Variants in ELAPOR1 observed in about 807,000 individuals in gnomAD.
ELAPOR1 encodes the protein endosome/lysosome-associated apoptosis and autophagy regulator 1.
Under a neutral mutation model 119.7 loss-of-function variants are expected in ELAPOR1, and 77 were observed. That is an observed-to-expected ratio of 0.64 (90% CI 0.54 to 0.78). The LOEUF (loss-of-function observed/expected upper bound fraction) is 0.78. Ranked by LOEUF, ELAPOR1 falls within the 30% of genes least tolerant of loss-of-function variation. The pLI is 0.00. For missense variants in ELAPOR1, 1,115 were observed against 1,270.4 expected (o/e 0.88, Z 1.86); for synonymous variants, 481 against 487.2 (o/e 0.99, Z 0.17).
intron 1 of ELAPOR1, among the ~76,000 whole-genome samples, chr1:109,136,691 T>C (rs591209): frequency 0.58 from 88,330 of 152,062 alleles, 27,616 homozygotes; most frequent in East Asian, 0.92. Flanking sequence ...GTAGGTATAA[T>C]TACTGCTAAA....
intron 18 of ELAPOR1, 136 bp downstream of exon 18, chr1:109,198,810 C>A: frequency 1.4e-6 from 1 of 697,250 alleles, no homozygotes. Flanking sequence ...GGGGCACAGT[C>A]ATGGCCCCAG....
At chr1:109,148,328 G>A (rs962713965) in intron 1 of ELAPOR1, among the ~76,000 whole-genome samples, 4 of 151,410 alleles carry the variant, frequency 2.6e-5, no homozygotes, top group African/African-American at 7.3e-5. Context: ...CAGTAGAGAC[G>A]GGGTTTCACC....
intron 18 of ELAPOR1, among the ~76,000 whole-genome samples, chr1:109,198,895 G>A (rs1178289358): frequency 6.6e-6 from 1 of 152,234 alleles, no homozygotes; most frequent in Non-Finnish European, 1.5e-5. Flanking sequence ...GGTCCATTAA[G>A]GCAGCAGCTG....
intron 1 of ELAPOR1, among the ~76,000 whole-genome samples, chr1:109,127,562 T>TTTTA (rs1474164762): frequency 3.3e-5 from 5 of 151,748 alleles, no homozygotes; most frequent in East Asian, 1.9e-4. Flanking sequence ...TACCTTTTTA[T>TTTTA]TTTATTTATT....
At chr1:109,174,832 C>T (rs1240568834) in intron 7 of ELAPOR1, among the ~76,000 whole-genome samples, 2 of 152,052 alleles carry the variant, frequency 1.3e-5, no homozygotes, top group African/African-American at 4.8e-5. Context: ...TCTTCTGCCT[C>T]AGGCTCCTGA....
At chr1:109,187,530 G>A in intron 8 of ELAPOR1, 1 of 1,001,178 alleles carries the variant, frequency 1.0e-6, no homozygotes, top group African/African-American at 1.7e-5. Context: ...GCACGTTTTT[G>A]TCTGTGACTC....
At chr1:109,152,952 CAAAAAAAAAAAAAAAAAGA>C (rs1459289421) in intron 1 of ELAPOR1, among the ~76,000 whole-genome samples, 2 of 102,412 alleles carry the variant, frequency 2.0e-5, no homozygotes, top group African/African-American at 8.4e-5. Context: ...ACCCTGTCTC[CAAAAAAAAAAAAAAAAAGA>C]AAGAAAAAAA....
At chr1:109,149,717 G>A (rs895043044) in intron 1 of ELAPOR1, among the ~76,000 whole-genome samples, 1 of 152,150 alleles carries the variant, frequency 6.6e-6, no homozygotes, top group African/African-American at 2.4e-5. Context: ...GAATGGGGAC[G>A]GGGCAGAAAT....
intron 1 of ELAPOR1, among the ~76,000 whole-genome samples, chr1:109,127,900 A>G (rs1648895243): frequency 6.7e-6 from 1 of 148,712 alleles, no homozygotes. Context: ...TTTGAGACAG[A>G]GTCTCGCTCT....
intron 8 of ELAPOR1, chr1:109,187,726 A>G (rs1410866080): frequency 1.1e-6 from 1 of 874,826 alleles, no homozygotes; most frequent in African/African-American, 1.8e-5. Flanking sequence ...CAAAGAATGT[A>G]CCACTCAAAA....
chr1:109,176,609 T>C (rs1271330488), intron 7 of ELAPOR1, among the ~76,000 whole-genome samples: 1 of 148,554 alleles, frequency 6.7e-6, no homozygotes, highest in Non-Finnish European at 1.5e-5. Context: ...TTTTTTTCTT[T>C]TTTTTTTTTT....
rs920615093 is a variant in ELAPOR1, at chr1:109,192,627, A to G, written c.1700A>G (p.Asn567Ser). Reference protein sequence around the residue: ...TFHEASRKYTNDVAKIYSINV... With the variant: ...TFHEASRKYTSDVAKIYSINV... ...TGTCTCCAGAGCAGGAAGTACACCA[A>G]TGACGTTGCCAAGATCTACTCCATC... Residue 567 changes from asparagine to serine, a missense_variant, in exon 14 of 22, where the codon AAT (asparagine) becomes AGT (serine). Physicochemically the swap from Asn to Ser is conservative, Grantham distance 46. Coordinates refer to ENST00000369939, the MANE Select transcript of ELAPOR1 (RefSeq NM_020775.5). The G allele has an allele frequency of 5.0e-6, 8 of 1,613,804 alleles. No homozygotes were observed. In the African/African-American group the frequency reaches 5.3e-5, roughly 11 times the overall value.
chr1:109,175,320 G>A (rs12072970), intron 7 of ELAPOR1, among the ~76,000 whole-genome samples: 70,830 of 150,430 alleles, frequency 0.47, 17,788 homozygotes, highest in African/African-American at 0.67. Context: ...TTCCTGCCTC[G>A]GCCTCCCAAG....
chr1:109,173,735 G>A lies in ELAPOR1; in HGVS notation c.850G>A (p.Ala284Thr). The change falls in exon 7 of 22, where the codon GCA (alanine) becomes ACA (threonine). Residue 284 changes from alanine (A) to threonine (T), a missense_variant. Coordinates refer to ENST00000369939, the MANE Select transcript of ELAPOR1 (RefSeq NM_020775.5). ...CTTCCCCTGCAAACCTGGCACGTAT[G>A]CAGACAAGCAGGGCTCCTCTTTCTG... ...ECFPCKPGTY[A>T]DKQGSSFCKL... 1 of 1,614,146 alleles carries A rather than the reference G, an allele frequency of 6.2e-7. No homozygotes were observed. Among genetic ancestry groups the A allele is most frequent in the South Asian group, 1.1e-5 (1 of 91,086 alleles).
intron 7 of ELAPOR1, among the ~76,000 whole-genome samples, chr1:109,180,448 G>A (rs1047645792): frequency 2.0e-5 from 3 of 151,984 alleles, no homozygotes; most frequent in Non-Finnish European, 4.4e-5. Flanking sequence ...TAGAAGCTGA[G>A]TGAGCCATGA....
intron 1 of ELAPOR1, among the ~76,000 whole-genome samples, chr1:109,135,550 T>C (rs1649418708): frequency 6.6e-6 from 1 of 152,112 alleles, no homozygotes; most frequent in South Asian, 2.1e-4. Context: ...GCTCCAAGAA[T>C]TCAAATTTCT....
At chr1:109,177,114 T>G (rs1418257054) in intron 7 of ELAPOR1, among the ~76,000 whole-genome samples, 34 of 145,618 alleles carry the variant, frequency 2.3e-4, no homozygotes, top group African/African-American at 8.3e-4. Flanking sequence ...CTCAATGAGC[T>G]GTTGGGTACA....
intron 1 of ELAPOR1, among the ~76,000 whole-genome samples, chr1:109,129,155 C>G (rs1037083077): frequency 1.3e-5 from 2 of 152,108 alleles, no homozygotes; most frequent in Non-Finnish European, 2.9e-5. Flanking sequence ...AAATAAACCC[C>G]TCATTAAGTA....
chr1:109,154,857 G>T (rs1053256161), intron 1 of ELAPOR1, among the ~76,000 whole-genome samples: 6 of 152,346 alleles, frequency 3.9e-5, no homozygotes, highest in African/African-American at 1.4e-4. Flanking sequence ...ACTTGGAAGA[G>T]AAATGATGTG....
Sources: gnomAD v4.1 joint callset for allele counts (sites outside exome capture counted in the v4.1 genomes callset) on GRCh38, gnomAD v4.1.1 for gene constraint, MANE v1.5 for transcripts, NCBI Gene and HGNC (gene_info 2026-07-23, HGNC 2026-07-21) for gene names.